The following PPFIBP2 variants were observed in gnomAD, a reference collection of about 807,000 sequenced individuals.
PPFIBP2 encodes liprin-beta-2.
In PPFIBP2, 118 loss-of-function variants were observed where a neutral mutation model predicts 118.3. The observed-to-expected ratio is 1.00, with a 90% CI of 0.86 to 1.16. The LOEUF is 1.16. Among genes scored for constraint, PPFIBP2 ranks in the 50% most tolerant of loss-of-function variants. The probability of loss-of-function intolerance (pLI) is 0.00; values close to 1 mark genes in which losing one functional copy is unlikely to be tolerated. For synonymous variants in PPFIBP2, 414 were observed against 397.4 expected, an observed-to-expected ratio of 1.04 and a Z score of -0.50; for missense variants, 1,195 against 1,073.1, an observed-to-expected ratio of 1.11 and a Z score of -1.59.
At chr11:7,556,889 G>GT (rs1478292504) in intron 2 of PPFIBP2, among the ~76,000 whole-genome samples, 1 of 152,124 alleles carries the variant, frequency 6.6e-6, no homozygotes, top group African/African-American at 2.4e-5. Context: ...TATCTTTGGT[G>GT]TTCTTCAGTT....
intron 3 of PPFIBP2, among the ~76,000 whole-genome samples, chr11:7,570,800 CATG>C (rs72209980): frequency 0.17 from 25,220 of 152,092 alleles, 2,095 homozygotes; most frequent in African/African-American, 0.18. Flanking sequence ...CTCTACCACT[CATG>C]AGCCTCTTCT....
chr11:7,561,572 A>C (rs11041455), intron 2 of PPFIBP2, among the ~76,000 whole-genome samples: 30,837 of 152,094 alleles, frequency 0.2, 3,216 homozygotes, highest in African/African-American at 0.23. Flanking sequence ...TTGTCTGTCT[A>C]AATTTTATTT....
chr11:7,656,269 T>C (rs1363732047), downstream of PPFIBP2, among the ~76,000 whole-genome samples: 2 of 152,228 alleles, frequency 1.3e-5, no homozygotes, highest in Admixed American at 6.5e-5. Context: ...CTATTGGCTA[T>C]AGTGTCTGTC....
chr11:7,620,944 C>T lies in PPFIBP2; in HGVS notation c.628C>T (p.Gln210Ter), dbSNP rs1389523150. 6.2e-7 allele frequency: 1 copy of T among 1,608,694 alleles called. No individual in the cohort carries two copies. The highest frequency in any genetic ancestry group is 8.5e-7 in the Non-Finnish European group (1 of 1,175,210). ...CTCCCTCATCCCCTAGGAGTTACTG[C>T]AAGAGCTCAGGCACCTCAAAATCAA... is the stretch of plus-strand genomic sequence containing the variant. ...EKQRKAEELL[Q>*]ELRHLKIKVE... The change falls in exon 7 of 24, where the codon CAA (glutamine) becomes TAA (stop). Residue 210 changes from glutamine to a stop codon, truncating the protein, a stop_gained. Coordinates refer to ENST00000299492, the MANE Select transcript of PPFIBP2 (RefSeq NM_003621.5). LOFTEE classifies it high-confidence loss of function.
At chr11:7,655,358 C>A, downstream of PPFIBP2, 1 of 1,155,394 alleles carries the variant, frequency 8.7e-7, no homozygotes, top group Non-Finnish European at 1.2e-6. Flanking sequence ...TTGAGCACGA[C>A]AGGACTTGCA....
chr11:7,561,387 A>G (rs188688203), intron 2 of PPFIBP2, among the ~76,000 whole-genome samples: 2 of 152,298 alleles, frequency 1.3e-5, no homozygotes, highest in East Asian at 3.9e-4. Flanking sequence ...TTTTCAGGCT[A>G]TAATTTGTCT....
At chr11:7,606,111 CT>C in intron 5 of PPFIBP2, 1 of 1,362,364 alleles carries the variant, frequency 7.3e-7, no homozygotes, top group Non-Finnish European at 9.7e-7. Context: ...AGAGCACTGT[CT>C]TAGAATAGCA....
intron 1 of PPFIBP2, among the ~76,000 whole-genome samples, chr11:7,546,770 G>A (rs7105146): frequency 0.25 from 37,559 of 152,166 alleles, 4,816 homozygotes; most frequent in African/African-American, 0.31. Flanking sequence ...CACACTCTCT[G>A]CCTGGAACAG....
chr11:7,553,316 T>G (rs574759219), intron 2 of PPFIBP2, among the ~76,000 whole-genome samples: 1 of 152,326 alleles, frequency 6.6e-6, no homozygotes, highest in East Asian at 1.9e-4. Context: ...CAGGAGCTAT[T>G]TGACAGATTA....
At chr11:7,666,628 A>T in the PPFIBP2 span, 3 of 1,046,122 alleles carry the variant, frequency 2.9e-6, no homozygotes, top group Admixed American at 6.5e-5. Flanking sequence ...CGGTCAGCAT[A>T]CTCCTGGCCA....
chr11:7,657,053 G>A (rs1667709286), downstream of PPFIBP2: 1 of 308,888 alleles, frequency 3.2e-6, no homozygotes, highest in Non-Finnish European at 6.5e-6. Flanking sequence ...TACGTGGACT[G>A]CAGACCACTT....
At chr11:7,650,565 T>G (rs1853832512) in intron 21 of PPFIBP2, among the ~76,000 whole-genome samples, 1 of 152,234 alleles carries the variant, frequency 6.6e-6, no homozygotes, top group South Asian at 2.1e-4. Context: ...ATGTCCTCAT[T>G]TATTTGTCTC....
rs529503452 is a variant in PPFIBP2, at chr11:7,608,720, C to G, written c.487-1571C>G. On this transcript the variant is annotated intron_variant, in intron 5 of 23. Coordinates refer to ENST00000299492, the MANE Select transcript of PPFIBP2 (RefSeq NM_003621.5). ...TCCTTGGCCAAAAGATTTATGTACT[C>G]TCTCTTGGCCTGTTTCCTCATCTGT... 1.7e-4 allele frequency among the ~76,000 whole-genome samples: 26 copies of G among 152,374 alleles called. No homozygotes were observed. The South Asian group carries it at 4.6e-3, about 27-fold the overall frequency.
At chr11:7,588,824 G>A (rs929934167) in intron 3 of PPFIBP2, among the ~76,000 whole-genome samples, 2 of 152,156 alleles carry the variant, frequency 1.3e-5, no homozygotes, top group Admixed American at 6.5e-5. Flanking sequence ...ATATCCATTC[G>A]AGAAGCCCTT....
intron 3 of PPFIBP2, among the ~76,000 whole-genome samples, chr11:7,578,493 C>T (rs1856787600): frequency 6.6e-6 from 1 of 152,242 alleles, no homozygotes; most frequent in Admixed American, 6.5e-5. Context: ...ACTGAGCTGG[C>T]TGGCTTTTGT....
At chr11:7,610,661 A>G in intron 6 of PPFIBP2, 1 of 419,348 alleles carries the variant, frequency 2.4e-6, no homozygotes, top group Non-Finnish European at 4.3e-6. Flanking sequence ...AACTGCTGAC[A>G]AGGATGGAAA....
chr11:7,647,961 C>CT (rs2135978916), intron 17 of PPFIBP2: 1 of 152,184 alleles, frequency 6.6e-6, no homozygotes, highest in Non-Finnish European at 1.5e-5. Flanking sequence ...TGTTTTTTTT[C>CT]TTTTTAATGT....
At chr11:7,606,043 A>C in intron 5 of PPFIBP2, 1 of 1,529,912 alleles carries the variant, frequency 6.5e-7, no homozygotes, top group South Asian at 1.2e-5. Flanking sequence ...TGATCAAGTC[A>C]AAAGCCTGAA....
intron 4 of PPFIBP2, among the ~76,000 whole-genome samples, chr11:7,596,221 C>G (rs1334060617): frequency 1.3e-5 from 2 of 152,156 alleles, no homozygotes; most frequent in East Asian, 3.9e-4. Flanking sequence ...CCTTCACAAA[C>G]AGAAACTCTG....
Sources: allele counts gnomAD v4.1 joint callset (sites outside exome capture counted in the v4.1 genomes callset), GRCh38; gene constraint gnomAD v4.1.1; transcripts MANE v1.5; gene names NCBI Gene and HGNC (gene_info 2026-07-23, HGNC 2026-07-21).